Variants in STK32B observed in about 807,000 individuals in gnomAD.
The protein encoded by STK32B is serine/threonine-protein kinase 32B.
A neutral mutation model predicts 52.6 loss-of-function variants in STK32B; 43 were observed. The ratio of observed to expected loss-of-function variants is 0.82; its 90% CI spans 0.64 to 1.05. The LOEUF (loss-of-function observed/expected upper bound fraction) is 1.05. STK32B is among the 50% of genes least tolerant of loss of function. The pLI is 0.00. For synonymous variants in STK32B, 238 were observed against 204.3 expected (o/e 1.17, Z -1.41); for missense variants, 621 against 534.6 (o/e 1.16, Z -1.59).
intron 11 of STK32B, among the ~76,000 whole-genome samples, chr4:5,497,891 G>C (rs920678506): frequency 1.3e-4 from 20 of 152,008 alleles, no homozygotes; most frequent in African/African-American, 4.8e-4. Context: ...GCACTCTGTT[G>C]GAAAGAAACA....
At chr4:5,486,028 G>A (rs1445913732) in intron 11 of STK32B, among the ~76,000 whole-genome samples, 1 of 152,200 alleles carries the variant, frequency 6.6e-6, no homozygotes, top group Non-Finnish European at 1.5e-5. Flanking sequence ...AGGCTACTCG[G>A]GGATCAGGGA....
At chr4:5,202,283 C>T (rs1016269638) in intron 3 of STK32B, among the ~76,000 whole-genome samples, 1 of 152,232 alleles carries the variant, frequency 6.6e-6, no homozygotes, top group Non-Finnish European at 1.5e-5. Context: ...ACATCCAAGG[C>T]ATGCTGTTAC....
Position 5,132,202 on chromosome 4 carries a change from C to A in STK32B, c.53-7703C>A, listed in dbSNP as rs193112626. 1.0e-3 allele frequency among the ~76,000 whole-genome samples: 153 copies of A among 152,232 alleles called. 1 individual carries two copies. Among genetic ancestry groups the A allele is most frequent in the African/African-American group, 3.4e-3 (140 of 41,528 alleles). Reference sequence around the variant, plus strand: ...ATAGACATTTAGGTTGGTTCTAGGTCTTTGCTATTGTGAATAGTGCTGCAG... The same window carrying A: ...ATAGACATTTAGGTTGGTTCTAGGTATTTGCTATTGTGAATAGTGCTGCAG... On this transcript the variant is annotated intron_variant, in intron 1 of 11. Transcript: ENST00000282908.
chr4:5,186,287 G>A (rs1720730134), intron 3 of STK32B, among the ~76,000 whole-genome samples: 1 of 152,216 alleles, frequency 6.6e-6, no homozygotes, highest in Non-Finnish European at 1.5e-5. Context: ...ATCTGCTGGG[G>A]TGTGTGTTTC....
At chr4:5,436,732 C>T (rs1714114792) in intron 6 of STK32B, 1 of 954,970 alleles carries the variant, frequency 1.0e-6, no homozygotes, top group African/African-American at 1.8e-5. Context: ...CATGGGAATT[C>T]CCTGAACCTA....
At chr4:5,379,336 C>G (rs548483306) in intron 4 of STK32B, among the ~76,000 whole-genome samples, 3 of 152,116 alleles carry the variant, frequency 2.0e-5, no homozygotes, top group Non-Finnish European at 4.4e-5. Context: ...AGCCTTGTCT[C>G]TGTGCTGACT....
chr4:5,326,671 C>T (rs1214075382), intron 3 of STK32B, among the ~76,000 whole-genome samples: 1 of 152,212 alleles, frequency 6.6e-6, no homozygotes, highest in African/African-American at 2.4e-5. Context: ...ACAATGCTAA[C>T]ACTCATCTGA....
intron 3 of STK32B, among the ~76,000 whole-genome samples, chr4:5,312,728 A>G (rs58673468): frequency 0.12 from 17,587 of 151,622 alleles, 2,560 homozygotes; most frequent in African/African-American, 0.35. Flanking sequence ...GCTATTGTGA[A>G]TAGTGCCACA....
intron 2 of STK32B, among the ~76,000 whole-genome samples, chr4:5,157,299 TAAAAA>T (rs59362249): frequency 9.8e-6 from 1 of 101,564 alleles, no homozygotes. Flanking sequence ...TGTGAGGATG[TAAAAA>T]AAAAAAAAAA....
chr4:5,335,580 A>G (rs747358871), intron 4 of STK32B, among the ~76,000 whole-genome samples: 56 of 151,664 alleles, frequency 3.7e-4, no homozygotes, highest in Middle Eastern at 3.4e-3. Flanking sequence ...TAGGGTGTCA[A>G]TTTTGGATCT....
In STK32B at chr4:5,331,169, G is replaced by T. The variant is rs773101425; in HGVS notation, c.261-51G>T. On this transcript the variant is annotated intron_variant, in intron 3 of 11. Transcript: ENST00000282908. ...TAAAATGGAGGCATTGGTCTTGAGGGTGCTGAAGGTGCCTCCACCCCTAAT... is the reference window on the plus strand; with the variant it reads ...TAAAATGGAGGCATTGGTCTTGAGGTTGCTGAAGGTGCCTCCACCCCTAAT... The T allele has an allele frequency of 3.9e-6, 6 of 1,536,112 alleles. 1 individual carries two copies. The Admixed American group carries it at 1.1e-4, about 28-fold the overall frequency.
intron 1 of STK32B, among the ~76,000 whole-genome samples, chr4:5,088,863 A>G (rs1452850554): frequency 6.6e-6 from 1 of 151,800 alleles, no homozygotes; most frequent in Non-Finnish European, 1.5e-5. Context: ...CAAATCAATA[A>G]CCTAATCTTT....
intron 3 of STK32B, among the ~76,000 whole-genome samples, chr4:5,304,652 T>G (rs1299395025): frequency 6.6e-6 from 1 of 152,182 alleles, no homozygotes. Context: ...ACTTCCTCAT[T>G]ACCAATTTGG....
intron 1 of STK32B, among the ~76,000 whole-genome samples, chr4:5,130,116 A>G (rs577003474): frequency 3.2e-4 from 49 of 151,786 alleles, no homozygotes; most frequent in Admixed American, 1.0e-3. Context: ...GGTAGGGAGT[A>G]CCAAGGGAGG....
intron 3 of STK32B, among the ~76,000 whole-genome samples, chr4:5,220,703 G>A (rs1329100377): frequency 3.9e-5 from 6 of 152,184 alleles, no homozygotes; most frequent in Admixed American, 3.9e-4. Flanking sequence ...TAAGTAGGGA[G>A]AGAGACATGG....
chr4:5,243,877 A>G (rs1725235749), intron 3 of STK32B, among the ~76,000 whole-genome samples: 2 of 152,182 alleles, frequency 1.3e-5, no homozygotes, highest in South Asian at 2.1e-4. Flanking sequence ...ATGCTGGATT[A>G]TGTTTACTGA....
intron 2 of STK32B, among the ~76,000 whole-genome samples, chr4:5,161,805 A>G (rs935975455): frequency 6.6e-6 from 1 of 152,202 alleles, no homozygotes; most frequent in South Asian, 2.1e-4. Context: ...TCATCTCTTT[A>G]GTAACCATAT....
intron 3 of STK32B, among the ~76,000 whole-genome samples, chr4:5,253,521 C>T (rs774693437): frequency 4.6e-5 from 7 of 152,048 alleles, no homozygotes; most frequent in African/African-American, 1.4e-4. Flanking sequence ...ATTACAGGTG[C>T]GTGCCACTAC....
intron 3 of STK32B, among the ~76,000 whole-genome samples, chr4:5,233,193 C>T (rs35578731): frequency 0.18 from 27,303 of 152,126 alleles, 3,108 homozygotes; most frequent in South Asian, 0.27. Flanking sequence ...GGGGAATGGA[C>T]AGGTTTATGG....
Sources: allele counts gnomAD v4.1 joint callset (sites outside exome capture counted in the v4.1 genomes callset), GRCh38; gene constraint gnomAD v4.1.1; transcripts MANE v1.5; gene names NCBI Gene and HGNC (gene_info 2026-07-23, HGNC 2026-07-21).